FAM228B: variants seen among roughly 807,000 people sequenced by gnomAD.
FAM228B encodes the protein family with sequence similarity 228 member B, also known as protein FAM228B.
In FAM228B, 38 loss-of-function variants were observed where a neutral mutation model predicts 42.6. That is an observed-to-expected ratio of 0.89 (90% CI 0.69 to 1.17). The LOEUF (loss-of-function observed/expected upper bound fraction) is 1.17. FAM228B is among the 50% of genes most tolerant of loss of function. The pLI, the probability that FAM228B is intolerant of heterozygous loss-of-function variation, is 0.00. For missense variants in FAM228B, 344 were observed against 367.3 expected (o/e 0.94, Z 0.52); for synonymous variants, 109 against 122.3 (o/e 0.89, Z 0.72).
chr2:24,144,862 C>T (rs1370956756), intron 5 of FAM228B, among the ~76,000 whole-genome samples: 1 of 152,154 alleles, frequency 6.6e-6, no homozygotes, highest in Non-Finnish European at 1.5e-5. Context: ...CACCCGAGTA[C>T]TCTGCAGGGG....
At chr2:24,099,337 T>A (rs566695148) in intron 3 of FAM228B, among the ~76,000 whole-genome samples, 2 of 152,334 alleles carry the variant, frequency 1.3e-5, no homozygotes, top group South Asian at 2.1e-4. Context: ...AAATTGTCCC[T>A]GTTTGCAGAT....
At chr2:24,132,468 T>TTTG (rs1425301248) in intron 2 of FAM228B, among the ~76,000 whole-genome samples, 4 of 136,442 alleles carry the variant, frequency 2.9e-5, no homozygotes, top group African/African-American at 1.1e-4. Flanking sequence ...GGGATTGTTT[T>TTTG]TTTTTTTTTT....
At chr2:24,112,701 A>G (rs1041052778) in intron 3 of FAM228B, among the ~76,000 whole-genome samples, 1 of 152,356 alleles carries the variant, frequency 6.6e-6, no homozygotes, top group Non-Finnish European at 1.5e-5. Flanking sequence ...ATAGTTTTCT[A>G]AAAGTACTGT....
At chr2:24,092,924 G>GCACACACACACACACACA (rs3030954) in intron 2 of FAM228B, among the ~76,000 whole-genome samples, 3 of 133,438 alleles carry the variant, frequency 2.2e-5, no homozygotes, top group Admixed American at 7.7e-5. Flanking sequence ...ATGATTTTAT[G>GCACACACACACACACACA]CACACACACA....
At chr2:24,133,954 T>C (rs1666518066) in intron 2 of FAM228B, among the ~76,000 whole-genome samples, 3 of 152,246 alleles carry the variant, frequency 2.0e-5, no homozygotes, top group Non-Finnish European at 4.4e-5. Flanking sequence ...ATTTATTTGA[T>C]AGCCATATTC....
chr2:24,100,004 T>C (rs76995310), intron 3 of FAM228B, among the ~76,000 whole-genome samples: 18,103 of 151,962 alleles, frequency 0.12, 1,260 homozygotes, highest in South Asian at 0.18. Flanking sequence ...ACCTGACAAA[T>C]ACAAGCAATG....
chr2:24,107,581 C>G (rs1219276682), intron 3 of FAM228B, among the ~76,000 whole-genome samples: 3 of 152,186 alleles, frequency 2.0e-5, no homozygotes, highest in Non-Finnish European at 4.4e-5. Context: ...CAACCACATT[C>G]TCAGACCACA....
In FAM228B at chr2:24,138,062, G is replaced by A; in HGVS notation, c.322G>A (p.Gly108Arg). Residue 108 changes from glycine (G) to arginine (R), a missense_variant, in exon 4 of 11, where the codon GGG (glycine) becomes AGG (arginine). Physicochemically the swap from Gly to Arg is moderately radical, Grantham distance 125. Coordinates refer to ENST00000615575, the MANE Select transcript of FAM228B (RefSeq NM_001145710.2). ...TAAGAAGATTAAAAAAAGGAGGCAA[G>A]GGGAATTAGATGGCTTTTTAAAACA... ...SHKKIKKRRQ[G>R]ELDGFLKHVN... 1 of 1,538,414 alleles carries A rather than the reference G, an allele frequency of 6.5e-7. No individual in the cohort carries two copies. The highest frequency in any genetic ancestry group is 8.7e-7 in the Non-Finnish European group (1 of 1,144,086).
intron 3 of FAM228B, among the ~76,000 whole-genome samples, chr2:24,100,644 A>C (rs1665588956): frequency 6.6e-6 from 1 of 152,214 alleles, no homozygotes; most frequent in African/African-American, 2.4e-5. Context: ...GAGAAATAGG[A>C]ATGCTTTTAC....
At chr2:24,125,119 G>A (rs140352091) in intron 2 of FAM228B, among the ~76,000 whole-genome samples, 18 of 152,338 alleles carry the variant, frequency 1.2e-4, no homozygotes, top group African/African-American at 4.1e-4. Flanking sequence ...CCTCATGCCT[G>A]TAATCCCAGC....
At chr2:24,108,012 A>G (rs1179855217) in intron 3 of FAM228B, among the ~76,000 whole-genome samples, 1 of 152,212 alleles carries the variant, frequency 6.6e-6, no homozygotes, top group Non-Finnish European at 1.5e-5. Flanking sequence ...AATTAATCAG[A>G]TAGATAGATC....
At chr2:24,139,549 C>A in intron 5 of FAM228B, 99 bp downstream of exon 5, 2 of 568,362 alleles carry the variant, frequency 3.5e-6, no homozygotes, top group South Asian at 3.1e-5. Flanking sequence ...CCTAAAAGTG[C>A]AGTAACATTT....
intron 3 of FAM228B, among the ~76,000 whole-genome samples, chr2:24,136,053 C>CTTTTTTTTTT (rs5829917): frequency 2.8e-5 from 1 of 35,794 alleles, no homozygotes; most frequent in Non-Finnish European, 4.5e-5. Flanking sequence ...GATAACCCTT[C>CTTTTTTTTTT]TTTTTTTTTT....
At chr2:24,078,745 G>T (rs1664867899) in intron 1 of FAM228B, among the ~76,000 whole-genome samples, 1 of 152,190 alleles carries the variant, frequency 6.6e-6, no homozygotes, top group South Asian at 2.1e-4. Context: ...CCACAGATAG[G>T]ACTCATATAG....
chr2:24,155,531 ATTTTTTTTTT>A (rs70944720), intron 7 of FAM228B, among the ~76,000 whole-genome samples: 50 of 13,042 alleles, frequency 3.8e-3, no homozygotes, highest in African/African-American at 7.6e-3. Context: ...ATATATATAT[ATTTTTTTTTT>A]TTTTTTTTTT....
chr2:24,167,673 AG>A lies in FAM228B; in HGVS notation c.*5del. On this transcript the variant is annotated 3_prime_UTR_variant, in exon 10 of 11. Coordinates refer to ENST00000615575, the MANE Select transcript of FAM228B (RefSeq NM_001145710.2). ...GCTGCTGAAGCTGGAGCTATAAGAA[AG>A]AAGAGGGAGGTAGATGTCTTCTCTC... 6.4e-7 allele frequency: 1 copy of A among 1,551,598 alleles called. No homozygotes were observed. Among genetic ancestry groups the A allele is most frequent in the Non-Finnish European group, 8.7e-7 (1 of 1,146,880 alleles).
At chr2:24,087,433 G>A (rs899266920) in intron 2 of FAM228B, 4 of 152,000 alleles carry the variant, frequency 2.6e-5, no homozygotes, top group African/African-American at 4.8e-5. Flanking sequence ...AAAACCCTTG[G>A]AATTTCGTAT....
intron 2 of FAM228B, among the ~76,000 whole-genome samples, chr2:24,132,374 A>G (rs1666474204): frequency 6.7e-6 from 1 of 149,410 alleles, no homozygotes; most frequent in Non-Finnish European, 1.5e-5. Context: ...CTCCTTTTCA[A>G]TTGTTTGAAA....
chr2:24,117,795 A>T (rs1665970446), intron 3 of FAM228B, among the ~76,000 whole-genome samples: 2 of 152,172 alleles, frequency 1.3e-5, no homozygotes, highest in African/African-American at 4.8e-5. Context: ...AATTTTTTAG[A>T]TAGAGAAAAA....
Sources: allele counts gnomAD v4.1 joint callset (sites outside exome capture counted in the v4.1 genomes callset), GRCh38; gene constraint gnomAD v4.1.1; transcripts MANE v1.5; gene names NCBI Gene and HGNC (gene_info 2026-07-23, HGNC 2026-07-21).